The following CRTAC1 variants were observed in gnomAD, a reference collection of about 807,000 sequenced individuals.
CRTAC1 encodes cartilage acidic protein 1.
CRTAC1 carries 37 observed loss-of-function variants against 67.8 expected under a neutral mutation model. The observed-to-expected ratio is 0.55, with a 90% CI of 0.42 to 0.72. The LOEUF is 0.72. CRTAC1 is among the 30% of genes least tolerant of loss of function. CRTAC1 has a pLI of 0.00. For missense variants in CRTAC1, 780 were observed against 931.6 expected (o/e 0.84, Z 2.12); for synonymous variants, 348 against 371.0 (o/e 0.94, Z 0.71).
chr10:97,906,261 A>G (rs1202560527), intron 6 of CRTAC1, among the ~76,000 whole-genome samples: 2 of 152,168 alleles, frequency 1.3e-5, no homozygotes, highest in Non-Finnish European at 2.9e-5. Context: ...TTAATACTCC[A>G]TTAATTCTCT....
chr10:97,894,421 C>T (rs1212237061), intron 11 of CRTAC1, among the ~76,000 whole-genome samples: 7 of 151,628 alleles, frequency 4.6e-5, no homozygotes, highest in African/African-American at 7.3e-5. Flanking sequence ...GAGACAGAGT[C>T]TCACTCACTC....
At chr10:97,992,095 C>T (rs1179069182) in intron 2 of CRTAC1, among the ~76,000 whole-genome samples, 1 of 152,194 alleles carries the variant, frequency 6.6e-6, no homozygotes. Flanking sequence ...TTAACCAAGG[C>T]CTTCTCAGGC....
At chr10:97,932,197 G>A (rs2051013765) in intron 3 of CRTAC1, among the ~76,000 whole-genome samples, 1 of 152,160 alleles carries the variant, frequency 6.6e-6, no homozygotes, top group Non-Finnish European at 1.5e-5. Context: ...CACAGGCCAG[G>A]AGGAAGGCCT....
chr10:97,961,027 G>A (rs1590240945), intron 2 of CRTAC1, among the ~76,000 whole-genome samples: 1 of 152,098 alleles, frequency 6.6e-6, no homozygotes, highest in East Asian at 1.9e-4. Flanking sequence ...TTCCCTGGCT[G>A]CCCCATTTTC....
At chr10:97,916,406 G>T (rs1211325646) in intron 5 of CRTAC1, among the ~76,000 whole-genome samples, 4 of 152,194 alleles carry the variant, frequency 2.6e-5, no homozygotes, top group Non-Finnish European at 5.9e-5. Context: ...CTAGTCATTT[G>T]TTCCCACAAA....
chr10:97,920,836 A>G (rs2050826444), intron 4 of CRTAC1, among the ~76,000 whole-genome samples: 1 of 152,258 alleles, frequency 6.6e-6, no homozygotes. Context: ...TGAAAAGATA[A>G]AAATGCTATA....
intron 14 of CRTAC1, among the ~76,000 whole-genome samples, chr10:97,873,465 G>C (rs560371659): frequency 1.1e-4 from 16 of 152,366 alleles, no homozygotes; most frequent in Admixed American, 7.2e-4. Context: ...CTGAACTGCA[G>C]AGAGGGTGTA....
rs146987269 is a variant in CRTAC1, at chr10:97,907,133, G to T, written c.850+880C>A. On this transcript the variant is annotated intron_variant, in intron 6 of 14. Coordinates refer to ENST00000370597, the MANE Select transcript of CRTAC1 (RefSeq NM_018058.7). ...GCAGAATTTACCGGTGGGCACTGGA[G>T]GCCAAGCCTTGCGTCAAGAATGAAT... is the stretch of plus-strand genomic sequence containing the variant. Among the ~76,000 whole-genome samples, 377 of 152,344 alleles carry T rather than the reference G, an allele frequency of 2.5e-3. 4 individuals are homozygous for T. Among genetic ancestry groups the T allele is most frequent in the African/African-American group, 8.5e-3 (354 of 41,574 alleles).
At chr10:97,927,655 G>A (rs746520103) in intron 3 of CRTAC1, among the ~76,000 whole-genome samples, 1 of 152,218 alleles carries the variant, frequency 6.6e-6, no homozygotes, top group African/African-American at 2.4e-5. Context: ...AAGGTAAAAT[G>A]TGCAACAGCC....
rs1419274799 is a variant in CRTAC1, at chr10:97,936,331, C to A, written c.260G>T (p.Arg87Leu). 6.2e-7 allele frequency: 1 copy of A among 1,612,824 alleles called. No homozygotes were observed. Among genetic ancestry groups the A allele is most frequent in the South Asian group, 1.1e-5 (1 of 90,924 alleles). Residue 87 changes from arginine to leucine, a missense_variant, in exon 3 of 15, where the codon CGG becomes CTG. Physicochemically the swap from Arg to Leu is moderately radical, Grantham distance 102. Coordinates refer to ENST00000370597, the MANE Select transcript of CRTAC1 (RefSeq NM_018058.7). Reference protein sequence around the residue: ...NGPNLVLKYDRAQKRLVNIAV... With the variant: ...NGPNLVLKYDLAQKRLVNIAV... ...GATGTTCACCAGCCGCTTCTGGGCC[C>A]GGTCATACTTCAGAACCAGGTTGGG...
At chr10:97,868,001 A>G (rs1439737076) in intron 14 of CRTAC1, 1 of 152,240 alleles carries the variant, frequency 6.6e-6, no homozygotes, top group East Asian at 1.9e-4. Flanking sequence ...TCAATTAATG[A>G]TATCAATAAA....
intron 2 of CRTAC1, among the ~76,000 whole-genome samples, chr10:97,994,855 T>A (rs2136676513): frequency 6.6e-6 from 1 of 152,338 alleles, no homozygotes; most frequent in East Asian, 1.9e-4. Context: ...ATGAAGGTCC[T>A]GTGGAGGCCC....
chr10:97,896,837 TCCCG>T, intron 9 of CRTAC1, 68 bp downstream of exon 9: 1 of 284,638 alleles, frequency 3.5e-6, no homozygotes, highest in Non-Finnish European at 7.4e-6. Context: ...GCCCCGTCCC[TCCCG>T]CCCTCACCCC....
At chr10:97,880,421 G>A in intron 13 of CRTAC1, 29 bp from the exon 14 acceptor site, 1 of 1,606,386 alleles carries the variant, frequency 6.2e-7, no homozygotes, top group Non-Finnish European at 8.5e-7. Context: ...CACTCACCAT[G>A]AAGGTGTGGG....
intron 4 of CRTAC1, among the ~76,000 whole-genome samples, chr10:97,921,084 T>G (rs10883018): frequency 0.072 from 11,014 of 152,150 alleles, 508 homozygotes; most frequent in African/African-American, 0.12. Flanking sequence ...TACTTCAGCA[T>G]GCATTGGAGT....
At chr10:97,965,285 T>C (rs998017817) in intron 2 of CRTAC1, among the ~76,000 whole-genome samples, 3 of 152,244 alleles carry the variant, frequency 2.0e-5, no homozygotes, top group African/African-American at 7.2e-5. Flanking sequence ...CAAGTGCCTT[T>C]AAACACTTAA....
intron 2 of CRTAC1, among the ~76,000 whole-genome samples, chr10:97,946,368 T>A (rs1313315960): frequency 6.6e-6 from 1 of 152,232 alleles, no homozygotes. Context: ...CCTATGGACC[T>A]CATTCTCTCA....
chr10:97,942,772 G>GA lies in CRTAC1; in HGVS notation c.225-6407dup, dbSNP rs762116125. On this transcript the variant is annotated intron_variant, in intron 2 of 14. Coordinates refer to ENST00000370597, the MANE Select transcript of CRTAC1 (RefSeq NM_018058.7). ...TAAAATTTTTTTTCCATTAAAAAGT[G>GA]AAAAAAAAAAAAGGCTGGGTATGGT... Among the ~76,000 whole-genome samples the GA allele has an allele frequency of 6.9e-3, 946 of 136,176 alleles. 2 individuals carry two copies. Among genetic ancestry groups the GA allele is most frequent in the Middle Eastern group, 0.022 (6 of 278 alleles). 89.3% of individuals were successfully genotyped at this position (136,176 alleles called of 152,430 possible). A position where few individuals can be genotyped will look rare whatever the true frequency, so the allele number is the denominator to read the frequency against.
chr10:97,986,912 C>T (rs1007187544), intron 2 of CRTAC1, among the ~76,000 whole-genome samples: 3 of 152,242 alleles, frequency 2.0e-5, no homozygotes, highest in Admixed American at 1.3e-4. Context: ...GCATCTCCTT[C>T]GTAAATAAGA....
Sources: allele counts gnomAD v4.1 joint callset (sites outside exome capture counted in the v4.1 genomes callset), GRCh38; gene constraint gnomAD v4.1.1; transcripts MANE v1.5; gene names NCBI Gene and HGNC (gene_info 2026-07-23, HGNC 2026-07-21).